Variants in UNC5D observed in about 807,000 individuals in gnomAD.
The protein encoded by UNC5D is unc-5 netrin receptor D.
Under a neutral mutation model 105.4 loss-of-function variants are expected in UNC5D, and 39 were observed. That is an observed-to-expected ratio of 0.37 (90% CI 0.29 to 0.48). UNC5D has a LOEUF of 0.48. Among genes scored for constraint, UNC5D ranks in the 20% least tolerant of loss-of-function variants. The pLI is 0.98. For synonymous variants in UNC5D, 452 were observed against 450.4 expected (o/e 1.00, Z -0.04); for missense variants, 991 against 1,202.4 (o/e 0.82, Z 2.60).
intron 1 of UNC5D, among the ~76,000 whole-genome samples, chr8:35,258,527 C>T (rs1404854040): frequency 6.6e-6 from 1 of 152,174 alleles, no homozygotes; most frequent in Non-Finnish European, 1.5e-5. Context: ...TCCGTCTCCT[C>T]ATCTGTAAAA....
In UNC5D at chr8:35,418,210, G is replaced by A. The variant is rs1367602077; in HGVS notation, c.104-131082G>A. Among the ~76,000 whole-genome samples the A allele has an allele frequency of 3.3e-5, 5 of 152,106 alleles. No individual in the cohort carries two copies. The East Asian group carries it at 7.7e-4, about 23-fold the overall frequency. Reference sequence around the variant, plus strand: ...CCAGGGCTAAGGTCAGTAGTGTTCAGAAACAATCTCAATTGTTTATTTTGG... The same window carrying A: ...CCAGGGCTAAGGTCAGTAGTGTTCAAAAACAATCTCAATTGTTTATTTTGG... On this transcript the variant is annotated intron_variant, in intron 1 of 16. Transcript: ENST00000404895.
intron 4 of UNC5D, among the ~76,000 whole-genome samples, chr8:35,604,435 C>G (rs1043709394): frequency 6.6e-6 from 1 of 152,170 alleles, no homozygotes; most frequent in Non-Finnish European, 1.5e-5. Flanking sequence ...ATGGGCTTCC[C>G]TTTGAGGGTA....
Position 35,595,581 on chromosome 8 carries a change from C to T in UNC5D, c.494C>T (p.Pro165Leu). ...AYLRKNFEQD[P>L]QGREVPIEGM... ...TTACGGAAAAACTTTGAACAAGACCCACAAGGAAGGGAAGTTCCCATTGAA... is the reference window on the plus strand; with the variant it reads ...TTACGGAAAAACTTTGAACAAGACCTACAAGGAAGGGAAGTTCCCATTGAA... Residue 165 changes from proline (P) to leucine (L), a missense_variant, in exon 4 of 17, where the codon CCA becomes CTA. Around this residue, in one of 3 missense-constraint regions of UNC5D, gnomAD observed 944 missense variants for 1,131.6 expected, o/e 0.83. Transcript: ENST00000404895. The T allele has an allele frequency of 6.2e-7, 1 of 1,614,036 alleles. No individual in the cohort carries two copies. Among genetic ancestry groups the T allele is most frequent in the Non-Finnish European group, 8.5e-7 (1 of 1,179,970 alleles).
At chr8:35,266,192 G>C (rs1237165197) in intron 1 of UNC5D, among the ~76,000 whole-genome samples, 3 of 152,182 alleles carry the variant, frequency 2.0e-5, no homozygotes, top group East Asian at 1.9e-4. Flanking sequence ...ATGTTTGGGA[G>C]CTTATTCGAG....
intron 15 of UNC5D, among the ~76,000 whole-genome samples, chr8:35,771,745 G>A (rs535909185): frequency 7.2e-5 from 11 of 152,224 alleles, no homozygotes; most frequent in African/African-American, 1.4e-4. Context: ...CTCAGAGAAC[G>A]TTTTCCTTAA....
At chr8:35,577,727 C>G (rs1818187427) in intron 3 of UNC5D, among the ~76,000 whole-genome samples, 1 of 152,166 alleles carries the variant, frequency 6.6e-6, no homozygotes, top group Admixed American at 6.5e-5. Flanking sequence ...TTTATATAAT[C>G]TGGATGTATC....
intron 2 of UNC5D, among the ~76,000 whole-genome samples, chr8:35,567,444 C>T (rs1483135187): frequency 1.3e-5 from 2 of 152,056 alleles, no homozygotes; most frequent in Admixed American, 1.3e-4. Flanking sequence ...TACTTGAGGC[C>T]AGAAATTCCA....
intron 1 of UNC5D, among the ~76,000 whole-genome samples, chr8:35,252,867 T>C (rs952220623): frequency 1.3e-5 from 2 of 152,206 alleles, no homozygotes; most frequent in African/African-American, 2.4e-5. Context: ...TCATTTTATA[T>C]TTGTCAGCAT....
chr8:35,722,529 C>T, intron 9 of UNC5D, 134 bp downstream of exon 9: 2 of 1,164,144 alleles, frequency 1.7e-6, no homozygotes, highest in Non-Finnish European at 2.4e-6. Context: ...TGTCTTCACA[C>T]ATGAACAGAC....
rs187565600 is a variant in UNC5D at position 35,352,010 on chromosome 8, A to G, written c.103+116123A>G. Among the ~76,000 whole-genome samples, 20 of 152,248 alleles carry G rather than the reference A, an allele frequency of 1.3e-4. 1 individual carries two copies. The East Asian group carries it at 3.3e-3, about 25-fold the overall frequency. On this transcript the variant is annotated intron_variant, in intron 1 of 16. Coordinates refer to ENST00000404895, the MANE Select transcript of UNC5D (RefSeq NM_080872.4). ...ATTCACATATTTCAATTTTTAAAAAACGTTCAAAGAAACAGAAGATAATCA... is the reference window on the plus strand; with the variant it reads ...ATTCACATATTTCAATTTTTAAAAAGCGTTCAAAGAAACAGAAGATAATCA...
At chr8:35,576,903 G>A (rs1295163362) in intron 3 of UNC5D, among the ~76,000 whole-genome samples, 6 of 152,086 alleles carry the variant, frequency 3.9e-5, no homozygotes, top group African/African-American at 7.2e-5. Context: ...ATGAGCCACC[G>A]CGCCTGGCAA....
At chr8:35,778,885 T>G (rs1035774455) in intron 16 of UNC5D, among the ~76,000 whole-genome samples, 2 of 152,204 alleles carry the variant, frequency 1.3e-5, no homozygotes, top group East Asian at 1.9e-4. Context: ...AGACAGGGAA[T>G]GTAAAGTTAA....
At chr8:35,705,651 G>A (rs561000326) in intron 7 of UNC5D, among the ~76,000 whole-genome samples, 1 of 151,996 alleles carries the variant, frequency 6.6e-6, no homozygotes, top group South Asian at 2.1e-4. Context: ...ATCCTGATAA[G>A]AATCTAGCAA....
intron 4 of UNC5D, among the ~76,000 whole-genome samples, chr8:35,655,317 A>C (rs1016263728): frequency 3.3e-5 from 5 of 152,202 alleles, no homozygotes; most frequent in Non-Finnish European, 7.4e-5. Flanking sequence ...TCTCCTAGCT[A>C]TATAACAAGT....
At chr8:35,605,138 G>A (rs536896093) in intron 4 of UNC5D, among the ~76,000 whole-genome samples, 24 of 152,140 alleles carry the variant, frequency 1.6e-4, no homozygotes, top group South Asian at 1.0e-3. Flanking sequence ...TAGAGTTTCC[G>A]GTTTTTCTGT....
chr8:35,335,756 ATTTTTTTTTTTTT>A, intron 1 of UNC5D, among the ~76,000 whole-genome samples: 1 of 90,456 alleles, frequency 1.1e-5, no homozygotes, highest in Non-Finnish European at 2.0e-5. Flanking sequence ...AGAGATTGCA[ATTTTTTTTTTTTT>A]TTTTTTTTTT....
chr8:35,533,473 G>A (rs527398757), intron 1 of UNC5D, among the ~76,000 whole-genome samples: 1 of 152,292 alleles, frequency 6.6e-6, no homozygotes, highest in East Asian at 1.9e-4. Flanking sequence ...GGACACTTAA[G>A]TCTGCAGAGG....
rs1554525296 is a variant in UNC5D, at chr8:35,413,292, T to TTGTGTGTG, written c.104-135990_104-135983dup. On this transcript the variant is annotated intron_variant, in intron 1 of 16. Coordinates refer to ENST00000404895, the MANE Select transcript of UNC5D (RefSeq NM_080872.4). ...GTGTGTGTGTGTGTGTGTGTGTGTG[T>TTGTGTGTG]TGTGTGTGTGTGTGTGTTTTCTCTC... Among the ~76,000 whole-genome samples the TTGTGTGTG allele has an allele frequency of 5.5e-3, 707 of 128,016 alleles. 3 individuals carry two copies. The highest frequency in any genetic ancestry group is 0.017 in the Middle Eastern group (4 of 236). 84.0% of individuals were successfully genotyped at this position (128,016 alleles called of 152,430 possible). A position where few individuals can be genotyped will look rare whatever the true frequency, so the allele number is the denominator to read the frequency against.
chr8:35,299,130 A>C (rs1024095554), intron 1 of UNC5D, among the ~76,000 whole-genome samples: 1 of 152,164 alleles, frequency 6.6e-6, no homozygotes, highest in African/African-American at 2.4e-5. Flanking sequence ...GAATATGTAA[A>C]ATATACCCTT....
Sources: allele counts gnomAD v4.1 joint callset (sites outside exome capture counted in the v4.1 genomes callset), GRCh38; gene constraint gnomAD v4.1.1; regional missense constraint gnomAD v4.1.1; transcripts MANE v1.5; gene names NCBI Gene and HGNC (gene_info 2026-07-23, HGNC 2026-07-21).